HPF1: variants seen among roughly 807,000 people sequenced by gnomAD.
HPF1 encodes the protein histone PARylation factor 1, also known as UPF0609 protein C4orf27.
Under a neutral mutation model 38.8 loss-of-function variants are expected in HPF1, and 35 were observed. That is an observed-to-expected ratio of 0.90 (90% CI 0.69 to 1.19). The LOEUF is 1.19. Ranked by LOEUF, HPF1 falls within the 50% of genes most tolerant of loss-of-function variation. The probability of loss-of-function intolerance (pLI) is 0.00; values close to 1 mark genes in which losing one functional copy is unlikely to be tolerated. For missense variants in HPF1, 367 were observed against 405.8 expected (o/e 0.90, Z 0.82); for synonymous variants, 115 against 139.2 (o/e 0.83, Z 1.22).
chr4:169,755,064 C>CG (rs1279482074), intron 1 of HPF1, among the ~76,000 whole-genome samples: 3 of 113,648 alleles, frequency 2.6e-5, no homozygotes, highest in Admixed American at 1.7e-4. Context: ...ATCCCTCCCC[C>CG]CGCCCCCTCA....
chr4:169,743,662 G>T (rs1734009248), intron 4 of HPF1, among the ~76,000 whole-genome samples: 1 of 152,022 alleles, frequency 6.6e-6, no homozygotes, highest in Non-Finnish European at 1.5e-5. Flanking sequence ...AACAGGTTAA[G>T]ATTTTTGCCA....
intron 4 of HPF1, among the ~76,000 whole-genome samples, chr4:169,743,916 A>C (rs1734012419): frequency 6.6e-6 from 1 of 152,092 alleles, no homozygotes; most frequent in Non-Finnish European, 1.5e-5. Context: ...AACTTACCCA[A>C]GTTGAGAGAG....
intron 4 of HPF1, among the ~76,000 whole-genome samples, chr4:169,742,521 A>G (rs544088722): frequency 3.7e-4 from 56 of 152,288 alleles, no homozygotes; most frequent in East Asian, 2.3e-3. Flanking sequence ...GGCAAGGCGC[A>G]GTGGCTCACG....
At chr4:169,753,153 C>T (rs1734141766) in intron 2 of HPF1, among the ~76,000 whole-genome samples, 1 of 150,090 alleles carries the variant, frequency 6.7e-6, no homozygotes, top group African/African-American at 2.4e-5. Flanking sequence ...CGTGCCTCAG[C>T]TTCCCGAGTA....
intron 6 of HPF1, among the ~76,000 whole-genome samples, chr4:169,737,305 A>C (rs970343016): frequency 2.0e-5 from 3 of 150,006 alleles, no homozygotes; most frequent in African/African-American, 7.4e-5. Flanking sequence ...AAAAAAAAAA[A>C]AACAAACAAA....
At chr4:169,757,142 G>A (rs1734197554) in intron 1 of HPF1, among the ~76,000 whole-genome samples, 2 of 152,080 alleles carry the variant, frequency 1.3e-5, no homozygotes, top group Admixed American at 6.5e-5. Flanking sequence ...GTATGAGAAT[G>A]CACACACTCT....
intron 2 of HPF1, among the ~76,000 whole-genome samples, chr4:169,752,091 A>T (rs11733986): frequency 0.71 from 107,405 of 151,480 alleles, 40,931 homozygotes; most frequent in East Asian, 0.91. Context: ...TACTGAGGGA[A>T]ATTTACTATT....
At chr4:169,754,724 C>T (rs1214826941) in intron 1 of HPF1, among the ~76,000 whole-genome samples, 3 of 152,146 alleles carry the variant, frequency 2.0e-5, no homozygotes, top group Non-Finnish European at 4.4e-5. Flanking sequence ...GATTTTGCCC[C>T]CCAGGGGACA....
At chr4:169,750,372 T>C (rs1388987369) in intron 3 of HPF1, 164 bp downstream of exon 3, 2 of 484,272 alleles carry the variant, frequency 4.1e-6, no homozygotes, top group South Asian at 4.9e-5. Flanking sequence ...AGTTTACCCA[T>C]CCTAGGGAAG....
intron 1 of HPF1, among the ~76,000 whole-genome samples, chr4:169,756,867 A>T (rs1734193802): frequency 6.6e-6 from 1 of 152,158 alleles, no homozygotes; most frequent in Non-Finnish European, 1.5e-5. Flanking sequence ...AGCCCTAACA[A>T]CTAGGATTTA....
At chr4:169,743,785 C>G (rs1286373167) in intron 4 of HPF1, among the ~76,000 whole-genome samples, 1 of 151,878 alleles carries the variant, frequency 6.6e-6, no homozygotes, top group Non-Finnish European at 1.5e-5. Context: ...TATTCACTGC[C>G]AACATCTGAG....
intron 6 of HPF1, among the ~76,000 whole-genome samples, chr4:169,736,210 C>G (rs1364038620): frequency 6.6e-6 from 1 of 151,746 alleles, no homozygotes; most frequent in African/African-American, 2.4e-5. Flanking sequence ...GAGACCCCGT[C>G]TCTACAGGAC....
chr4:169,755,835 C>G (rs879755362), intron 1 of HPF1, among the ~76,000 whole-genome samples: 2 of 152,122 alleles, frequency 1.3e-5, no homozygotes, highest in African/African-American at 4.8e-5. Flanking sequence ...GAAGGCTGAA[C>G]GGATAGGAGA....
intron 1 of HPF1, among the ~76,000 whole-genome samples, chr4:169,754,916 T>A (rs1462560994): frequency 6.6e-6 from 1 of 151,864 alleles, no homozygotes; most frequent in African/African-American, 2.4e-5. Flanking sequence ...TTTATATATT[T>A]TTTTATTTTA....
At position 169,756,270 on chromosome 4, in the gene HPF1, A is replaced by G. The variant is rs531417385; in HGVS notation, c.48+1560T>C. On this transcript the variant is annotated intron_variant, in intron 1 of 7. Coordinates refer to ENST00000393381, the MANE Select transcript of HPF1 (RefSeq NM_017867.3). Reference sequence around the variant, plus strand: ...TGAGGTTAACCTCCCTACGTCCCTAACTAGGAAGTGGAAGAGAAGGGATTT... The same window carrying G: ...TGAGGTTAACCTCCCTACGTCCCTAGCTAGGAAGTGGAAGAGAAGGGATTT... Among the ~76,000 whole-genome samples the G allele has an allele frequency of 1.3e-3, 196 of 152,274 alleles. 2 individuals carry two copies. Among genetic ancestry groups the G allele is most frequent in the Non-Finnish European group, 6.5e-4 (44 of 68,018 alleles).
chr4:169,753,544 G>T, intron 2 of HPF1, 132 bp downstream of exon 2: 1 of 703,280 alleles, frequency 1.4e-6, no homozygotes, highest in Non-Finnish European at 2.4e-6. Flanking sequence ...TGACCAGGTT[G>T]GTCTCAAACT....
chr4:169,735,244 G>C (rs1220668104), intron 6 of HPF1, among the ~76,000 whole-genome samples: 1 of 151,982 alleles, frequency 6.6e-6, no homozygotes, highest in African/African-American at 2.4e-5. Flanking sequence ...CTACAATAAA[G>C]AGTTGGGTGA....
In HPF1 at chr4:169,750,526, G is replaced by C. The variant is rs376276454; in HGVS notation, c.398+10C>G. 2 of 1,565,278 alleles carry C rather than the reference G, an allele frequency of 1.3e-6. No homozygotes were observed. Among genetic ancestry groups the C allele is most frequent in the Non-Finnish European group, 1.7e-6 (2 of 1,151,692 alleles). ...AGCTGTATTTTAGAGGCGAAGAAAA[G>C]ATCCTTTACCTGAAATACCCCATGT... On this transcript the variant is annotated intron_variant, in intron 3 of 7. Coordinates refer to ENST00000393381, the MANE Select transcript of HPF1 (RefSeq NM_017867.3).
intron 4 of HPF1, among the ~76,000 whole-genome samples, chr4:169,745,729 C>G (rs1734038408): frequency 6.6e-6 from 1 of 152,164 alleles, no homozygotes; most frequent in Non-Finnish European, 1.5e-5. Context: ...ACTTGAACTC[C>G]TGGGCTCGAG....
Sources: gnomAD v4.1 joint callset for allele counts (sites outside exome capture counted in the v4.1 genomes callset) on GRCh38, gnomAD v4.1.1 for gene constraint, MANE v1.5 for transcripts, NCBI Gene and HGNC (gene_info 2026-07-23, HGNC 2026-07-21) for gene names.